TSPEAR: variants seen among roughly 807,000 people sequenced by gnomAD.
TSPEAR encodes the protein thrombospondin-type laminin G domain and EAR repeat-containing protein.
A neutral mutation model predicts 71.6 loss-of-function variants in TSPEAR; 69 were observed. That is an observed-to-expected ratio of 0.96 (90% CI 0.79 to 1.18). The LOEUF (loss-of-function observed/expected upper bound fraction) is 1.18, where lower values mean the gene tolerates loss of function less well. TSPEAR is among the 50% of genes most tolerant of loss of function. The pLI, the probability that TSPEAR is intolerant of heterozygous loss-of-function variation, is 0.00. For missense variants in TSPEAR, 971 were observed against 894.9 expected, an observed-to-expected ratio of 1.09 and a Z score of -1.09; for synonymous variants, 402 against 387.2, an observed-to-expected ratio of 1.04 and a Z score of -0.45.
chr21:44,668,691 A>G (rs1985910129), intron 1 of TSPEAR, among the ~76,000 whole-genome samples: 1 of 152,244 alleles, frequency 6.6e-6, no homozygotes, highest in Non-Finnish European at 1.5e-5. Context: ...AAAGACCAAT[A>G]TATAGACTAA....
chr21:44,622,282 T>C lies in TSPEAR; in HGVS notation c.83-54277A>G, dbSNP rs372308586. ...TGAGCTTAAACCTCCCATCTCATTTTGGTTTTTGCTTACGCAAGGAATCTA... is the reference window on the plus strand; with the variant it reads ...TGAGCTTAAACCTCCCATCTCATTTCGGTTTTTGCTTACGCAAGGAATCTA... On this transcript the variant is annotated intron_variant, in intron 1 of 11. Coordinates refer to ENST00000323084, the MANE Select transcript of TSPEAR (RefSeq NM_144991.3). Among the ~76,000 whole-genome samples the C allele has an allele frequency of 5.3e-5, 8 of 152,164 alleles. No homozygotes were observed. In the East Asian group the frequency reaches 1.5e-3, roughly 29 times the overall value.
intron 1 of TSPEAR, among the ~76,000 whole-genome samples, chr21:44,682,385 T>A (rs1986648602): frequency 6.6e-6 from 1 of 152,238 alleles, no homozygotes; most frequent in Admixed American, 6.5e-5. Context: ...CCCAAATTTA[T>A]CAGTGATGCA....
intron 3 of TSPEAR, among the ~76,000 whole-genome samples, chr21:44,533,078 G>A (rs587674889): frequency 5.8e-4 from 88 of 152,340 alleles, no homozygotes; most frequent in African/African-American, 1.8e-3. Context: ...AAAGGAGTGC[G>A]CTTGGTGTGA....
At chr21:44,628,877 C>T (rs1260243423) in intron 1 of TSPEAR, among the ~76,000 whole-genome samples, 8 of 151,778 alleles carry the variant, frequency 5.3e-5, no homozygotes, top group East Asian at 1.9e-4. Flanking sequence ...CTGGGCTTGC[C>T]GCTGGGATGC....
rs1378296076 is a variant in TSPEAR, at chr21:44,623,040, G to A, written c.83-55035C>T. ...ACTCCCCCTTCACCTTCCACCATGAGCAAAGCCCCCTGAGGCCTCCCCAGA... is the reference window on the plus strand; with the variant it reads ...ACTCCCCCTTCACCTTCCACCATGAACAAAGCCCCCTGAGGCCTCCCCAGA... On this transcript the variant is annotated intron_variant, in intron 1 of 11. Coordinates refer to ENST00000323084, the MANE Select transcript of TSPEAR (RefSeq NM_144991.3). This position sits in a 1 kb window ranked among gnomAD's most constrained non-coding sequence, Gnocchi z 4.5. 6.6e-6 allele frequency among the ~76,000 whole-genome samples: 1 copy of A among 152,142 alleles called. No individual in the cohort carries two copies. The highest frequency in any genetic ancestry group is 1.5e-5 in the Non-Finnish European group (1 of 68,030).
At chr21:44,606,091 T>C (rs1203250031) in intron 1 of TSPEAR, among the ~76,000 whole-genome samples, 2 of 139,584 alleles carry the variant, frequency 1.4e-5, no homozygotes, top group Non-Finnish European at 3.0e-5. Context: ...CTCAAACAAC[T>C]CAGTAGCAAG....
At chr21:44,659,969 T>C (rs1985400236) in intron 1 of TSPEAR, among the ~76,000 whole-genome samples, 2 of 152,240 alleles carry the variant, frequency 1.3e-5, no homozygotes, top group Admixed American at 1.3e-4. Flanking sequence ...ATGGTAAAAA[T>C]CAAAATACGG....
At chr21:44,591,172 C>T (rs1339670047) in intron 1 of TSPEAR, 3 of 829,760 alleles carry the variant, frequency 3.6e-6, no homozygotes, top group Admixed American at 2.9e-5. Flanking sequence ...ACCAGGCCTG[C>T]TGGGGGTTAG....
At chr21:44,569,973 T>A (rs1202294279) in intron 1 of TSPEAR, among the ~76,000 whole-genome samples, 1 of 152,074 alleles carries the variant, frequency 6.6e-6, no homozygotes, top group East Asian at 1.9e-4. Context: ...CTGGAAAGAA[T>A]GGGTCTCTAA....
chr21:44,522,180 G>A, intron 8 of TSPEAR, 68 bp from the exon 9 acceptor site: 1 of 1,484,802 alleles, frequency 6.7e-7, no homozygotes. Flanking sequence ...CCCCGACGGA[G>A]GCAGAGCCCA....
chr21:44,539,105 C>A (rs1555916735), intron 2 of TSPEAR: 5 of 973,418 alleles, frequency 5.1e-6, no homozygotes, highest in Non-Finnish European at 7.4e-6. Context: ...CAGGTGGGCA[C>A]CTGCTGGAAG....
intron 1 of TSPEAR, among the ~76,000 whole-genome samples, chr21:44,684,365 C>T (rs1248949667): frequency 6.6e-6 from 1 of 152,162 alleles, no homozygotes. Flanking sequence ...AAGAGCACAT[C>T]TCTACAGAAA....
intron 1 of TSPEAR, among the ~76,000 whole-genome samples, chr21:44,670,437 G>T (rs1555945688): frequency 1.3e-5 from 2 of 152,156 alleles, no homozygotes; most frequent in Non-Finnish European, 2.9e-5. Context: ...GAAGCAACTG[G>T]AATTCAGCAA....
At chr21:44,654,465 A>C in intron 1 of TSPEAR, 2 of 1,614,012 alleles carry the variant, frequency 1.2e-6, no homozygotes, top group Non-Finnish European at 1.7e-6. Context: ...TGGATACCCC[A>C]CACAGGGGCC....
intron 1 of TSPEAR, chr21:44,698,011 C>T (rs1555951022): frequency 3.9e-6 from 6 of 1,522,766 alleles, no homozygotes; most frequent in African/African-American, 1.4e-5. Context: ...CTATGAGTCC[C>T]CCACCTCTCC....
chr21:44,525,673 G>T lies in TSPEAR; in HGVS notation c.1316C>A (p.Ala439Glu), dbSNP rs782774422. 14 of 1,613,952 alleles carry T rather than the reference G, an allele frequency of 8.7e-6. No homozygotes were observed. The Admixed American group carries it at 1.7e-4, about 19-fold the overall frequency. ...CCTACCTTCCCGGTGGTTGGCCACC[G>T]CCAGGAAGTGCTCCCCATCCACCTC... ...AFEVDGEHFL[A>E]VANHREGDNH... Residue 439 changes from alanine to glutamate, a missense_variant, in exon 8 of 12, where the codon GCG (alanine) becomes GAG (glutamate). Transcript: ENST00000323084.
At chr21:44,668,367 A>C (rs2146277797) in intron 1 of TSPEAR, among the ~76,000 whole-genome samples, 1 of 152,358 alleles carries the variant, frequency 6.6e-6, no homozygotes, top group South Asian at 2.1e-4. Context: ...TGTAACAAAA[A>C]CTACAAAACG....
intron 1 of TSPEAR, among the ~76,000 whole-genome samples, chr21:44,660,676 C>A (rs781193319): frequency 1.9e-4 from 29 of 152,192 alleles, no homozygotes; most frequent in Non-Finnish European, 2.9e-4. Context: ...AAAGAAAAGA[C>A]CACCTCTTGG....
intron 1 of TSPEAR, among the ~76,000 whole-genome samples, chr21:44,590,102 T>G (rs1979668066): frequency 6.6e-6 from 1 of 152,242 alleles, no homozygotes. Flanking sequence ...GCGGCTGTGC[T>G]GACCACAGGG....
Sources: allele counts gnomAD v4.1 joint callset (sites outside exome capture counted in the v4.1 genomes callset), GRCh38; gene constraint gnomAD v4.1.1; non-coding constraint Gnocchi (gnomAD v3.1); transcripts MANE v1.5; gene names NCBI Gene and HGNC (gene_info 2026-07-23, HGNC 2026-07-21).